Variants in L3MBTL4 observed in about 807,000 individuals in gnomAD.
L3MBTL4 encodes lethal(3)malignant brain tumor-like protein 4.
A neutral mutation model predicts 84.5 loss-of-function variants in L3MBTL4; 70 were observed. The observed-to-expected ratio is 0.83, with a 90% confidence interval of 0.68 to 1.01. The LOEUF is 1.01. L3MBTL4 is among the 50% of genes least tolerant of loss of function. The probability of loss-of-function intolerance (pLI) is 0.00; values close to 1 mark genes in which losing one functional copy is unlikely to be tolerated. For synonymous variants in L3MBTL4, 274 were observed against 259.8 expected (o/e 1.05, Z -0.52); for missense variants, 715 against 754.8 (o/e 0.95, Z 0.62).
At chr18:6,143,209 C>G (rs1348034256) in intron 13 of L3MBTL4, among the ~76,000 whole-genome samples, 1 of 152,096 alleles carries the variant, frequency 6.6e-6, no homozygotes, top group Admixed American at 6.5e-5. Context: ...AAGGTTTAAA[C>G]TGATGTTTTT....
intron 14 of L3MBTL4, among the ~76,000 whole-genome samples, chr18:6,128,033 T>TGGGGG (rs368191784): frequency 8.7e-5 from 8 of 92,092 alleles, no homozygotes; most frequent in African/African-American, 3.1e-4. Flanking sequence ...AAATATTGGG[T>TGGGGG]GGGGCGGGGG....
chr18:6,301,456 T>C (rs1202538329), intron 4 of L3MBTL4, among the ~76,000 whole-genome samples: 10 of 152,178 alleles, frequency 6.6e-5, no homozygotes, highest in Admixed American at 6.5e-4. Flanking sequence ...CTAAAACCTA[T>C]TGATGTATTA....
chr18:6,011,394 A>G (rs937214296), intron 16 of L3MBTL4, among the ~76,000 whole-genome samples: 1 of 152,210 alleles, frequency 6.6e-6, no homozygotes, highest in Non-Finnish European at 1.5e-5. Context: ...GTGAGGCCAA[A>G]GTTTCTGTAC....
At chr18:6,269,017 A>T (rs1175566754) in intron 4 of L3MBTL4, among the ~76,000 whole-genome samples, 5 of 152,232 alleles carry the variant, frequency 3.3e-5, no homozygotes, top group African/African-American at 4.8e-5. Flanking sequence ...CCCCCACTAG[A>T]CACCGCTGAC....
At chr18:6,364,555 AAAGAGT>A (rs2053849171) in intron 1 of L3MBTL4, among the ~76,000 whole-genome samples, 4 of 152,138 alleles carry the variant, frequency 2.6e-5, no homozygotes, top group African/African-American at 9.7e-5. Context: ...CTCCGAAGTA[AAAGAGT>A]CACTGGTAAC....
chr18:6,368,685 C>T (rs2054033689), intron 1 of L3MBTL4, among the ~76,000 whole-genome samples: 1 of 152,154 alleles, frequency 6.6e-6, no homozygotes, highest in Admixed American at 6.5e-5. Flanking sequence ...ATTATGGCAA[C>T]AAGATTAATT....
intron 12 of L3MBTL4, among the ~76,000 whole-genome samples, chr18:6,203,079 T>C (rs1599133011): frequency 6.6e-6 from 1 of 152,112 alleles, no homozygotes; most frequent in Non-Finnish European, 1.5e-5. Context: ...GCACACAGCA[T>C]AGAGAAGAAA....
At chr18:5,983,453 T>G (rs2053327042) in intron 16 of L3MBTL4, among the ~76,000 whole-genome samples, 1 of 152,012 alleles carries the variant, frequency 6.6e-6, no homozygotes, top group South Asian at 2.1e-4. Context: ...TTCTTAATTA[T>G]CAACTATAAA....
chr18:6,066,920 GTT>G (rs778380283), intron 16 of L3MBTL4, among the ~76,000 whole-genome samples: 3 of 136,502 alleles, frequency 2.2e-5, no homozygotes, highest in African/African-American at 7.9e-5. Context: ...TAGATACTTT[GTT>G]TTTTTTTTTT....
intron 12 of L3MBTL4, among the ~76,000 whole-genome samples, chr18:6,191,950 A>T (rs1194779297): frequency 6.6e-6 from 1 of 151,562 alleles, no homozygotes; most frequent in Non-Finnish European, 1.5e-5. Flanking sequence ...GGTTTGCACT[A>T]CTGCACTGCA....
intron 16 of L3MBTL4, among the ~76,000 whole-genome samples, chr18:6,040,475 A>G (rs186531339): frequency 6.6e-6 from 1 of 152,366 alleles, no homozygotes; most frequent in Admixed American, 6.5e-5. Context: ...AATCCATTAC[A>G]GAACCAAAAA....
chr18:5,956,291 T>C lies in L3MBTL4; in HGVS notation c.1774A>G (p.Ile592Val). The C allele has an allele frequency of 1.2e-6, 2 of 1,614,148 alleles. No homozygotes were observed. The highest frequency in any genetic ancestry group is 1.7e-6 in the Non-Finnish European group (2 of 1,179,968). ...TCCTGGGAATGCCTGAACATCAGGA[T>C]AGAGTTGTAAATCTTCAGTGCTGGG... is the stretch of plus-strand genomic sequence containing the variant. ...LGPALKIYNS[I>V]LMFRHSQELP... The change falls in exon 19 of 19, where the codon ATC (isoleucine) becomes GTC (valine). Residue 592 changes from isoleucine to valine, a missense_variant. Physicochemically the swap from Ile to Val is conservative, Grantham distance 29. Transcript: ENST00000317931.
At chr18:6,403,584 T>G (rs1043751646) in intron 1 of L3MBTL4, among the ~76,000 whole-genome samples, 1 of 152,266 alleles carries the variant, frequency 6.6e-6, no homozygotes, top group Non-Finnish European at 1.5e-5. Context: ...CATATATTTT[T>G]CCATTGTATT....
At chr18:6,386,325 G>A (rs561586331) in intron 1 of L3MBTL4, among the ~76,000 whole-genome samples, 131 of 152,192 alleles carry the variant, frequency 8.6e-4, no homozygotes, top group Non-Finnish European at 1.6e-3. Flanking sequence ...TGATGTCTGG[G>A]GAAGGGATGA....
intron 16 of L3MBTL4, among the ~76,000 whole-genome samples, chr18:6,051,370 C>G (rs573136422): frequency 3.9e-5 from 6 of 152,226 alleles, no homozygotes; most frequent in South Asian, 2.1e-4. Flanking sequence ...GAAACCCCGT[C>G]TCTACTAAAA....
chr18:6,187,983 A>G (rs2044862082), intron 12 of L3MBTL4, among the ~76,000 whole-genome samples: 1 of 151,454 alleles, frequency 6.6e-6, no homozygotes, highest in Middle Eastern at 3.4e-3. Context: ...TTTTCTACTT[A>G]ATTTATTTTA....
At chr18:6,391,716 C>T (rs1042432383) in intron 1 of L3MBTL4, among the ~76,000 whole-genome samples, 13 of 135,454 alleles carry the variant, frequency 9.6e-5, no homozygotes, top group Admixed American at 5.1e-4. Flanking sequence ...AAATCAAGAA[C>T]GCAATCCCTT....
chr18:5,956,467 AGT>A, intron 18 of L3MBTL4, 80 bp from the exon 19 acceptor site: 1 of 1,377,658 alleles, frequency 7.3e-7, no homozygotes, highest in Non-Finnish European at 1.0e-6. Context: ...TTTGGTTCTG[AGT>A]GTGATGTGGA....
chr18:6,174,707 T>TA (rs58362722), intron 12 of L3MBTL4, among the ~76,000 whole-genome samples: 9,415 of 151,730 alleles, frequency 0.062, 1,004 homozygotes, highest in African/African-American at 0.21. Context: ...CCATCTCTAC[T>TA]AAAATGCAAA....
Sources: gnomAD v4.1 joint callset for allele counts (sites outside exome capture counted in the v4.1 genomes callset) on GRCh38, gnomAD v4.1.1 for gene constraint, MANE v1.5 for transcripts, NCBI Gene and HGNC (gene_info 2026-07-23, HGNC 2026-07-21) for gene names.